Variants in XKR6 observed in about 807,000 individuals in gnomAD.
XKR6 encodes XK related 6.
Under a neutral mutation model 56.7 loss-of-function variants are expected in XKR6, and 22 were observed. The ratio of observed to expected loss-of-function variants is 0.39; its 90% CI spans 0.28 to 0.55. The LOEUF (loss-of-function observed/expected upper bound fraction) is 0.55, where lower values mean the gene tolerates loss of function less well. Among genes scored for constraint, XKR6 ranks in the 20% least tolerant of loss-of-function variants. The probability of loss-of-function intolerance (pLI) is 0.66; values close to 1 mark genes in which losing one functional copy is unlikely to be tolerated. For synonymous variants in XKR6, 524 were observed against 387.8 expected, an observed-to-expected ratio of 1.35 and a Z score of -4.13; for missense variants, 852 against 889.0, an observed-to-expected ratio of 0.96 and a Z score of 0.53.
chr8:11,171,025 GT>G (rs1802342139), intron 1 of XKR6, among the ~76,000 whole-genome samples: 1 of 152,130 alleles, frequency 6.6e-6, no homozygotes, highest in Admixed American at 6.5e-5. Context: ...ACTCTTCCTA[GT>G]TTAGAAATCA....
rs545320064 is a variant in XKR6 at position 10,975,763 on chromosome 8, G to A, written c.765-50933C>T. Among the ~76,000 whole-genome samples the A allele has an allele frequency of 6.6e-5, 10 of 152,336 alleles. No individual in the cohort carries two copies. In the South Asian group the frequency reaches 8.3e-4, roughly 13 times the overall value. ...GCTGACCGCAAGGCCGAGTCACACTGTGTCTGCTTAGGCCTGGCCACTTCC... is the reference window on the plus strand; with the variant it reads ...GCTGACCGCAAGGCCGAGTCACACTATGTCTGCTTAGGCCTGGCCACTTCC... On this transcript the variant is annotated intron_variant, in intron 1 of 2. Coordinates refer to ENST00000416569, the MANE Select transcript of XKR6 (RefSeq NM_173683.4).
intron 1 of XKR6, among the ~76,000 whole-genome samples, chr8:11,113,500 A>C (rs1037525927): frequency 6.6e-6 from 1 of 152,220 alleles, no homozygotes; most frequent in Non-Finnish European, 1.5e-5. Flanking sequence ...CATTCTCCAA[A>C]GGCACATCAT....
intron 1 of XKR6, among the ~76,000 whole-genome samples, chr8:11,156,643 A>G (rs1284785563): frequency 2.0e-5 from 3 of 152,222 alleles, no homozygotes; most frequent in African/African-American, 7.2e-5. Flanking sequence ...CATATAGTAG[A>G]CACCCATTAT....
rs1305755084 is a variant in XKR6, at chr8:11,187,975, T to TA, written c.764+12600dup. ...TTACTTCAACTGTCATTGCTTTTGT[T>TA]AAAGTTCCACTTACAAAGTTACATA... On this transcript the variant is annotated intron_variant, in intron 1 of 2. Transcript: ENST00000416569. Among the ~76,000 whole-genome samples, 7 of 152,336 alleles carry TA rather than the reference T, an allele frequency of 4.6e-5. No individual in the cohort carries two copies. The East Asian group carries it at 1.2e-3, about 25-fold the overall frequency.
intron 1 of XKR6, among the ~76,000 whole-genome samples, chr8:11,111,352 A>G (rs578071493): frequency 6.6e-6 from 1 of 152,270 alleles, no homozygotes; most frequent in South Asian, 2.1e-4. Context: ...TCTGCCCTAC[A>G]TAGTAACGTC....
At chr8:11,095,457 G>C (rs989727754) in intron 1 of XKR6, among the ~76,000 whole-genome samples, 6 of 152,190 alleles carry the variant, frequency 3.9e-5, no homozygotes, top group African/African-American at 1.4e-4. Flanking sequence ...CAGTCAAATA[G>C]GTAACACTGA....
chr8:11,160,770 TG>T (rs1586633299), intron 1 of XKR6, among the ~76,000 whole-genome samples: 1 of 151,828 alleles, frequency 6.6e-6, no homozygotes, highest in African/African-American at 2.4e-5. Context: ...TAGCTGGGTA[TG>T]GTGGCACTTG....
chr8:11,009,235 G>C (rs1440967845), intron 1 of XKR6, among the ~76,000 whole-genome samples: 1 of 152,190 alleles, frequency 6.6e-6, no homozygotes, highest in Non-Finnish European at 1.5e-5. Flanking sequence ...GTTTGGCCGG[G>C]CATGGTGACT....
chr8:11,186,776 C>G (rs1170818444), intron 1 of XKR6, among the ~76,000 whole-genome samples: 1 of 152,160 alleles, frequency 6.6e-6, no homozygotes, highest in Non-Finnish European at 1.5e-5. Context: ...GATGTCGAAG[C>G]CACCACCAGC....
chr8:11,173,373 A>G (rs1318901780), intron 1 of XKR6, among the ~76,000 whole-genome samples: 2 of 149,756 alleles, frequency 1.3e-5, no homozygotes, highest in African/African-American at 4.9e-5. Context: ...ATATACACAC[A>G]CACACACACA....
intron 1 of XKR6, among the ~76,000 whole-genome samples, chr8:10,955,405 T>A (rs1801854329): frequency 6.6e-6 from 1 of 152,096 alleles, no homozygotes; most frequent in Non-Finnish European, 1.5e-5. Context: ...AGCCTTGAAC[T>A]TTTGGGCTCT....
In XKR6 at chr8:11,151,236, C is replaced by A. The variant is rs559367795; in HGVS notation, c.764+49340G>T. Among the ~76,000 whole-genome samples the A allele has an allele frequency of 4.6e-5, 7 of 152,162 alleles. No individual in the cohort carries two copies. The South Asian group carries it at 1.5e-3, about 32-fold the overall frequency. On this transcript the variant is annotated intron_variant, in intron 1 of 2. Transcript: ENST00000416569. ...AATTTCTACTAGTGAAAGTATGCAA[C>A]CTTGAAATTATTTAATTTTTCCTTC...
chr8:10,969,826 C>T (rs139737932), intron 1 of XKR6, among the ~76,000 whole-genome samples: 1 of 152,236 alleles, frequency 6.6e-6, no homozygotes, highest in African/African-American at 2.4e-5. Flanking sequence ...TCCTGCCAAG[C>T]CTGACGCTCA....
At chr8:11,102,896 T>C (rs1798537295) in intron 1 of XKR6, among the ~76,000 whole-genome samples, 1 of 152,144 alleles carries the variant, frequency 6.6e-6, no homozygotes, top group South Asian at 2.1e-4. Context: ...TGCTCTGAGT[T>C]TCAAACCTAT....
At chr8:10,918,590 A>G (rs918497334) in intron 2 of XKR6, among the ~76,000 whole-genome samples, 3 of 152,190 alleles carry the variant, frequency 2.0e-5, no homozygotes, top group Non-Finnish European at 4.4e-5. Context: ...GCTTATGGGC[A>G]CAGGTTTTAG....
intron 1 of XKR6, among the ~76,000 whole-genome samples, chr8:11,020,657 C>G (rs1212131565): frequency 1.3e-5 from 2 of 152,248 alleles, no homozygotes; most frequent in African/African-American, 4.8e-5. Context: ...CTCAAAATCT[C>G]AGCCAAGGAG....
intron 1 of XKR6, among the ~76,000 whole-genome samples, chr8:11,107,630 A>G (rs1376837523): frequency 6.6e-6 from 1 of 152,174 alleles, no homozygotes; most frequent in Admixed American, 6.5e-5. Flanking sequence ...TGTAGATGCG[A>G]AACAGTGAGG....
chr8:10,922,063 G>A (rs1800739955), intron 2 of XKR6, among the ~76,000 whole-genome samples: 1 of 152,206 alleles, frequency 6.6e-6, no homozygotes, highest in Non-Finnish European at 1.5e-5. Flanking sequence ...TTCCCTTCCA[G>A]GGGATGCAGC....
chr8:10,943,664 A>G lies in XKR6; in HGVS notation c.765-18834T>C, dbSNP rs1801451886. Among the ~76,000 whole-genome samples, 4 of 152,150 alleles carry G rather than the reference A, an allele frequency of 2.6e-5. No individual in the cohort carries two copies. The South Asian group carries it at 8.3e-4, about 32-fold the overall frequency. Reference sequence around the variant, plus strand: ...GGAAGTGCTCTGCATCTATCAACTCATCTAAGCCTCCAGAAAGCCTTACGA... The same window carrying G: ...GGAAGTGCTCTGCATCTATCAACTCGTCTAAGCCTCCAGAAAGCCTTACGA... On this transcript the variant is annotated intron_variant, in intron 1 of 2. Transcript: ENST00000416569.
Sources: gnomAD v4.1 joint callset for allele counts (sites outside exome capture counted in the v4.1 genomes callset) on GRCh38, gnomAD v4.1.1 for gene constraint, MANE v1.5 for transcripts, NCBI Gene and HGNC (gene_info 2026-07-23, HGNC 2026-07-21) for gene names.